CNTNAP2: variants seen among roughly 807,000 people sequenced by gnomAD.
CNTNAP2 encodes contactin associated protein 2, also known as contactin-associated protein-like 2.
Under a neutral mutation model 155.2 loss-of-function variants are expected in CNTNAP2, and 98 were observed. The observed-to-expected ratio is 0.63, with a 90% CI of 0.54 to 0.75. The LOEUF (loss-of-function observed/expected upper bound fraction) is 0.75. CNTNAP2 is among the 30% of genes least tolerant of loss of function. CNTNAP2 has a pLI of 0.00. For missense variants in CNTNAP2, 1,727 were observed against 1,688.1 expected, an observed-to-expected ratio of 1.02 and a Z score of -0.40; for synonymous variants, 651 against 631.2, an observed-to-expected ratio of 1.03 and a Z score of -0.47.
intron 13 of CNTNAP2, among the ~76,000 whole-genome samples, chr7:147,871,515 G>A (rs1799325749): frequency 6.6e-6 from 1 of 152,236 alleles, no homozygotes; most frequent in South Asian, 2.1e-4. Context: ...TTCCCCTCCT[G>A]GGACTCCTCC....
chr7:146,269,189 A>C (rs1004374074), intron 1 of CNTNAP2, among the ~76,000 whole-genome samples: 4 of 152,000 alleles, frequency 2.6e-5, no homozygotes, highest in African/African-American at 9.6e-5. Flanking sequence ...AAATACAAAA[A>C]ATTGGCCAGG....
intron 11 of CNTNAP2, among the ~76,000 whole-genome samples, chr7:147,494,616 G>A (rs4725738): frequency 0.29 from 43,578 of 151,944 alleles, 6,381 homozygotes; most frequent in East Asian, 0.43. Context: ...TAAACTCCCT[G>A]TAGTTTGAAT....
At chr7:146,289,154 G>A (rs61610523) in intron 1 of CNTNAP2, among the ~76,000 whole-genome samples, 2 of 152,134 alleles carry the variant, frequency 1.3e-5, no homozygotes, top group African/African-American at 2.4e-5. Context: ...AGACAAATGA[G>A]AACCAATGTA....
At chr7:146,903,576 T>C (rs112910475) in intron 3 of CNTNAP2, among the ~76,000 whole-genome samples, 1 of 152,234 alleles carries the variant, frequency 6.6e-6, no homozygotes, top group African/African-American at 2.4e-5. Context: ...AAGATTTTTA[T>C]CTTTTATTAC....
chr7:147,636,591 A>C (rs58554793), intron 12 of CNTNAP2, among the ~76,000 whole-genome samples: 10,007 of 151,662 alleles, frequency 0.066, 1,095 homozygotes, highest in African/African-American at 0.23. Context: ...TCTCCCTCCC[A>C]TTTACCCTGC....
chr7:148,314,953 A>G (rs887308886), intron 21 of CNTNAP2, among the ~76,000 whole-genome samples: 8 of 152,332 alleles, frequency 5.3e-5, no homozygotes, highest in African/African-American at 1.2e-4. Context: ...AGGAACTGAA[A>G]TTAAGAGAAG....
intron 15 of CNTNAP2, among the ~76,000 whole-genome samples, chr7:148,026,971 GT>G (rs1427125946): frequency 1.3e-5 from 2 of 150,748 alleles, no homozygotes; most frequent in Admixed American, 6.6e-5. Flanking sequence ...TGTTGTTGTT[GT>G]TTTTTTCTGA....
intron 1 of CNTNAP2, among the ~76,000 whole-genome samples, chr7:146,144,725 T>C (rs547180736): frequency 6.6e-6 from 1 of 152,344 alleles, no homozygotes; most frequent in East Asian, 1.9e-4. Flanking sequence ...AAAGTGTATT[T>C]ATCTCATTAT....
At chr7:147,287,644 C>A (rs899797321) in intron 8 of CNTNAP2, among the ~76,000 whole-genome samples, 14 of 152,068 alleles carry the variant, frequency 9.2e-5, no homozygotes, top group African/African-American at 3.1e-4. Flanking sequence ...TATCTCCAGA[C>A]TACATTTTTT....
At chr7:146,785,881 C>A (rs2129188004) in intron 2 of CNTNAP2, among the ~76,000 whole-genome samples, 1 of 152,302 alleles carries the variant, frequency 6.6e-6, no homozygotes, top group African/African-American at 2.4e-5. Context: ...TGGCTTTCGA[C>A]TTGTGCTGGC....
intron 8 of CNTNAP2, among the ~76,000 whole-genome samples, chr7:147,294,713 C>T (rs1174746276): frequency 2.6e-5 from 4 of 151,842 alleles, no homozygotes; most frequent in African/African-American, 9.7e-5. Flanking sequence ...TTCTGGAGTG[C>T]AGTGACACGA....
intron 3 of CNTNAP2, among the ~76,000 whole-genome samples, chr7:147,013,069 G>C (rs1798656390): frequency 6.6e-6 from 1 of 152,062 alleles, no homozygotes; most frequent in Admixed American, 6.6e-5. Context: ...AATATGTGTA[G>C]AAAAATAATT....
intron 9 of CNTNAP2, 125 bp from the exon 10 acceptor site, chr7:147,395,484 A>T: frequency 1.1e-6 from 1 of 946,936 alleles, no homozygotes; most frequent in Non-Finnish European, 1.7e-6. Flanking sequence ...TGAATATAAC[A>T]TCAGCAAGGA....
intron 8 of CNTNAP2, among the ~76,000 whole-genome samples, chr7:147,151,072 C>T (rs980025138): frequency 6.6e-6 from 1 of 152,116 alleles, no homozygotes; most frequent in Admixed American, 6.6e-5. Context: ...ATATGATCAA[C>T]CTTTTGTAAA....
intron 12 of CNTNAP2, among the ~76,000 whole-genome samples, chr7:147,603,764 G>A (rs1801004201): frequency 6.6e-6 from 1 of 152,070 alleles, no homozygotes; most frequent in Admixed American, 6.5e-5. Context: ...ACATCACCAA[G>A]TCAATCCTAA....
chr7:147,458,626 C>T (rs903002151), intron 10 of CNTNAP2, among the ~76,000 whole-genome samples: 14 of 152,124 alleles, frequency 9.2e-5, no homozygotes, highest in Non-Finnish European at 1.6e-4. Context: ...GGCATGGCAA[C>T]CTTTGCAAAG....
intron 23 of CNTNAP2, among the ~76,000 whole-genome samples, chr7:148,412,293 G>C (rs575635548): frequency 4.6e-5 from 7 of 152,180 alleles, no homozygotes; most frequent in Non-Finnish European, 7.3e-5. Context: ...CTCTAATCCT[G>C]GCCAGGCGCG....
rs1367526173 is a variant in CNTNAP2 at position 146,404,141 on chromosome 7, A to AAAAAAAAAC, written c.97+287169_97+287170insAAAAAAACA. On this transcript the variant is annotated intron_variant, in intron 1 of 23. Coordinates refer to ENST00000361727, the MANE Select transcript of CNTNAP2 (RefSeq NM_014141.6). ...CTCCGTCTCAAAAAAAAAAAAAAAA[A>AAAAAAAAAC]ACAAAGAACTTGGCCTCTTGGTTTT... Among the ~76,000 whole-genome samples the AAAAAAAAAC allele has an allele frequency of 1.6e-4, 24 of 147,480 alleles. 1 individual carries two copies. The highest frequency in any genetic ancestry group is 6.3e-4 in the African/African-American group (24 of 37,810).
At chr7:148,016,785 T>G (rs1161380734) in intron 15 of CNTNAP2, among the ~76,000 whole-genome samples, 1 of 152,220 alleles carries the variant, frequency 6.6e-6, no homozygotes, top group Non-Finnish European at 1.5e-5. Context: ...GGTTTTTTCA[T>G]GCTCTTAGGT....
Sources: gnomAD v4.1 joint callset for allele counts (sites outside exome capture counted in the v4.1 genomes callset) on GRCh38, gnomAD v4.1.1 for gene constraint, MANE v1.5 for transcripts, NCBI Gene and HGNC (gene_info 2026-07-23, HGNC 2026-07-21) for gene names.